PLCB4: variants seen among roughly 807,000 people sequenced by gnomAD.
PLCB4 encodes 1-phosphatidylinositol 4,5-bisphosphate phosphodiesterase beta-4.
Under a neutral mutation model 178.8 loss-of-function variants are expected in PLCB4, and 77 were observed. The ratio of observed to expected loss-of-function variants is 0.43; its 90% CI spans 0.36 to 0.52. PLCB4 has a LOEUF of 0.52. PLCB4 is among the 20% of genes least tolerant of loss of function. The pLI is 0.00. For synonymous variants in PLCB4, 496 were observed against 490.8 expected, an observed-to-expected ratio of 1.01 and a Z score of -0.14; for missense variants, 1,024 against 1,453.4, an observed-to-expected ratio of 0.70 and a Z score of 4.80.
At chr20:9,104,253 T>A (rs1385533533) in intron 2 of PLCB4, among the ~76,000 whole-genome samples, 1 of 152,142 alleles carries the variant, frequency 6.6e-6, no homozygotes, top group Non-Finnish European at 1.5e-5. Flanking sequence ...GACTGCTTGG[T>A]CTTCCTCATA....
intron 2 of PLCB4, among the ~76,000 whole-genome samples, chr20:9,198,956 G>A (rs2093506723): frequency 6.6e-6 from 1 of 152,122 alleles, no homozygotes; most frequent in African/African-American, 2.4e-5. Flanking sequence ...AATCTTTGCT[G>A]TATCTTCAAA....
intron 3 of PLCB4, among the ~76,000 whole-genome samples, chr20:9,261,667 A>G (rs953795939): frequency 1.3e-5 from 2 of 152,214 alleles, no homozygotes; most frequent in Non-Finnish European, 2.9e-5. Context: ...AATTGATTTC[A>G]TAAGTAAAAA....
At chr20:9,283,842 T>A (rs980820362) in intron 3 of PLCB4, among the ~76,000 whole-genome samples, 1 of 151,740 alleles carries the variant, frequency 6.6e-6, no homozygotes, top group Admixed American at 6.6e-5. Context: ...CTTTATTCCC[T>A]TTCTATTATA....
chr20:9,299,620 T>A (rs2094681305), intron 3 of PLCB4, among the ~76,000 whole-genome samples: 1 of 152,096 alleles, frequency 6.6e-6, no homozygotes, highest in South Asian at 2.1e-4. Context: ...CTAAATTTGC[T>A]ATTGTTAAGC....
intron 3 of PLCB4, among the ~76,000 whole-genome samples, chr20:9,220,728 G>C (rs77202969): frequency 6.6e-6 from 1 of 152,116 alleles, no homozygotes; most frequent in Non-Finnish European, 1.5e-5. Flanking sequence ...CTTTCATTTT[G>C]CCTCTACTTT....
chr20:9,260,631 T>A (rs1169197461), intron 3 of PLCB4, among the ~76,000 whole-genome samples: 1 of 152,156 alleles, frequency 6.6e-6, no homozygotes, highest in Admixed American at 6.5e-5. Flanking sequence ...TTGATATATA[T>A]GTGTGTATAT....
intron 4 of PLCB4, among the ~76,000 whole-genome samples, chr20:9,308,369 T>C (rs535719171): frequency 5.3e-5 from 8 of 152,326 alleles, no homozygotes; most frequent in African/African-American, 1.9e-4. Flanking sequence ...GATTCTATCA[T>C]TTATTGTCTG....
chr20:9,156,826 TC>T (rs2092796778), intron 2 of PLCB4, among the ~76,000 whole-genome samples: 2 of 55,010 alleles, frequency 3.6e-5, no homozygotes, highest in Non-Finnish European at 7.4e-5. Context: ...GTTGCCTCCC[TC>T]CCTCCCTCCC....
rs769267640 is a variant in PLCB4 at position 9,423,735 on chromosome 20, G to T, written c.2320-13G>T. On this transcript the variant is annotated splice_polypyrimidine_tract_variant and intron_variant, in intron 27 of 39. Coordinates refer to ENST00000378473, the MANE Select transcript of PLCB4 (RefSeq NM_001377142.1). ...CATTGGAAAAATCAGTGAAAGTCCT[G>T]TTCTGTTTGCAGGTGATCCTGCCGG... is the stretch of plus-strand genomic sequence containing the variant. 4 of 1,609,750 alleles carry T rather than the reference G, an allele frequency of 2.5e-6. No homozygotes were observed. Among genetic ancestry groups the T allele is most frequent in the Non-Finnish European group, 3.4e-6 (4 of 1,176,610 alleles).
At chr20:9,222,330 T>C (rs112620938) in intron 3 of PLCB4, among the ~76,000 whole-genome samples, 22 of 152,178 alleles carry the variant, frequency 1.4e-4, no homozygotes, top group African/African-American at 5.1e-4. Context: ...TGACCTCAAG[T>C]GATCCTTCCA....
chr20:9,153,460 C>T (rs2012791), intron 2 of PLCB4, among the ~76,000 whole-genome samples: 65,267 of 151,896 alleles, frequency 0.43, 14,343 homozygotes, highest in Middle Eastern at 0.63. Flanking sequence ...ATCAGGGGTT[C>T]CCACTCTTGC....
intron 3 of PLCB4, among the ~76,000 whole-genome samples, chr20:9,225,953 G>A (rs2093859479): frequency 6.6e-6 from 1 of 152,214 alleles, no homozygotes; most frequent in African/African-American, 2.4e-5. Context: ...AGCTTGCTGA[G>A]GACTGAAGAC....
At chr20:9,231,640 A>AG (rs1480882458) in intron 3 of PLCB4, among the ~76,000 whole-genome samples, 2 of 152,156 alleles carry the variant, frequency 1.3e-5, no homozygotes, top group African/African-American at 4.8e-5. Context: ...GGGCAGAGAG[A>AG]GGAAACTTGT....
At chr20:9,196,798 AAAG>A (rs2093477972) in intron 2 of PLCB4, among the ~76,000 whole-genome samples, 1 of 152,186 alleles carries the variant, frequency 6.6e-6, no homozygotes, top group Non-Finnish European at 1.5e-5. Context: ...TATTTAGTAC[AAAG>A]GTTCTCAGTA....
At chr20:9,220,497 A>G (rs1055000093) in intron 3 of PLCB4, among the ~76,000 whole-genome samples, 7 of 152,174 alleles carry the variant, frequency 4.6e-5, no homozygotes, top group African/African-American at 1.4e-4. Flanking sequence ...TTAGCTGGGC[A>G]TGGTGGCACA....
At chr20:9,167,870 A>G (rs950473512) in intron 2 of PLCB4, among the ~76,000 whole-genome samples, 5 of 152,234 alleles carry the variant, frequency 3.3e-5, no homozygotes, top group African/African-American at 1.2e-4. Context: ...AGCCACAGAT[A>G]TTTGAGCATA....
intron 38 of PLCB4, among the ~76,000 whole-genome samples, chr20:9,475,480 C>T (rs2044481020): frequency 6.6e-6 from 1 of 152,086 alleles, no homozygotes; most frequent in African/African-American, 2.4e-5. Flanking sequence ...TCAAATATGT[C>T]TTTTAAGGTC....
chr20:9,096,740 G>A (rs1307836072), intron 2 of PLCB4, among the ~76,000 whole-genome samples: 1 of 152,156 alleles, frequency 6.6e-6, no homozygotes, highest in African/African-American at 2.4e-5. Flanking sequence ...TAAAAAATGT[G>A]ATATCTTTCA....
Position 9,392,388 on chromosome 20 carries a change from C to T in PLCB4, c.1324-1200C>T, listed in dbSNP as rs188644514. Among the ~76,000 whole-genome samples the T allele has an allele frequency of 2.8e-3, 424 of 152,170 alleles. 3 individuals carry two copies. The highest frequency in any genetic ancestry group is 9.6e-3 in the African/African-American group (400 of 41,514). On this transcript the variant is annotated intron_variant, in intron 17 of 39. Coordinates refer to ENST00000378473, the MANE Select transcript of PLCB4 (RefSeq NM_001377142.1). ...AGGTTTCCATTGGTTACTTGGTGTC[C>T]GGTCTATGTAAATGAATAGGATGAA...
Sources: gnomAD v4.1 joint callset for allele counts (sites outside exome capture counted in the v4.1 genomes callset) on GRCh38, gnomAD v4.1.1 for gene constraint, MANE v1.5 for transcripts, NCBI Gene and HGNC (gene_info 2026-07-23, HGNC 2026-07-21) for gene names.